ROBO3: variants seen among roughly 807,000 people sequenced by gnomAD.
The protein encoded by ROBO3 is roundabout homolog 3.
A neutral mutation model predicts 160.5 loss-of-function variants in ROBO3; 97 were observed. The observed-to-expected ratio is 0.60, with a 90% CI of 0.51 to 0.72. The LOEUF (loss-of-function observed/expected upper bound fraction) is 0.72, where lower values mean the gene tolerates loss of function less well. Among genes scored for constraint, ROBO3 ranks in the 30% least tolerant of loss-of-function variants. The pLI is 0.00. For missense variants in ROBO3, 1,858 were observed against 1,846.5 expected, an observed-to-expected ratio of 1.01 and a Z score of -0.11; for synonymous variants, 780 against 746.2, an observed-to-expected ratio of 1.05 and a Z score of -0.74.
Position 124,872,531 on chromosome 11 carries a change from G to A in ROBO3, c.1309G>A (p.Ala437Thr). The A allele has an allele frequency of 1.2e-6, 2 of 1,613,678 alleles. No homozygotes were observed. The highest frequency in any genetic ancestry group is 8.5e-7 in the Non-Finnish European group (1 of 1,179,626). Reference sequence around the variant, plus strand: ...TGTGGCTGGCAGCATCCTGGCCAAGGCCCTGCTGGAGATAAAAGGAGGTAC... The same window carrying A: ...TGTGGCTGGCAGCATCCTGGCCAAGACCCTGCTGGAGATAAAAGGAGGTAC... ...VSVAGSILAK[A>T]LLEIKGASLD... The change falls in exon 8 of 28, where the codon GCC becomes ACC. Residue 437 changes from alanine to threonine, a missense_variant. Physicochemically the swap from Ala to Thr is moderately conservative, Grantham distance 58. Coordinates refer to ENST00000397801, the MANE Select transcript of ROBO3 (RefSeq NM_022370.4). This position sits in a 1 kb window ranked among gnomAD's most constrained non-coding sequence, Gnocchi z 4.3.
Position 124,880,488 on chromosome 11 carries a change from G to T in ROBO3, c.4029G>T (p.Thr1343=). 1 of 1,604,838 alleles carries T rather than the reference G, an allele frequency of 6.2e-7. No homozygotes were observed. Among genetic ancestry groups the T allele is most frequent in the Non-Finnish European group, 8.5e-7 (1 of 1,175,580 alleles). ...SRGQGTSTCS[T]AGSNSSRGSS... is the part of the protein sequence containing the mutation. ...GCCAGGGCACCAGCACATGTTCCACGGCCGGCAGCAACTCTTCCAGGGGCT... is the reference window on the plus strand; with the variant it reads ...GCCAGGGCACCAGCACATGTTCCACTGCCGGCAGCAACTCTTCCAGGGGCT... Residue 1343 remains threonine, a synonymous_variant, in exon 27 of 28, where the codon ACG becomes ACT. Coordinates refer to ENST00000397801, the MANE Select transcript of ROBO3 (RefSeq NM_022370.4).
chr11:124,870,883 G>C, intron 6 of ROBO3, 131 bp from the exon 7 acceptor site: 1 of 1,517,558 alleles, frequency 6.6e-7, no homozygotes, highest in Admixed American at 1.8e-5. Flanking sequence ...ACACTAAACA[G>C]GCCGGGAGGA....
rs1215273656 is a variant in ROBO3 at position 124,873,314 on chromosome 11, T to C, written c.1541T>C (p.Met514Thr). Residue 514 changes from methionine (M) to threonine (T), a missense_variant, in exon 10 of 28, where the codon ATG (methionine) becomes ACG (threonine). Physicochemically the swap from Met to Thr is moderately conservative, Grantham distance 81 (BLOSUM62 -1). Coordinates refer to ENST00000397801, the MANE Select transcript of ROBO3 (RefSeq NM_022370.4). The surrounding 1 kb of genome is among the most constrained non-coding windows in gnomAD (Gnocchi z 4.5). ...GTLYIANVQE[M>T]DMGFYSCVAK... ...GTGCTCTGCCCTCTCTTCCAGGAGA[T>C]GGACATGGGCTTCTACAGCTGCGTG... The C allele has an allele frequency of 2.5e-6, 4 of 1,608,724 alleles. No individual in the cohort carries two copies. Among genetic ancestry groups the C allele is most frequent in the Non-Finnish European group, 3.4e-6 (4 of 1,177,786 alleles).
Position 124,872,984 on chromosome 11 carries a change from C to T in ROBO3, c.1431C>T (p.Asn477=), listed in dbSNP as rs754956365. ...SVWLPCRVTG[N]PQPSVRWKKD... is the part of the protein sequence containing the mutation. ...GGCTGCCCTGCAGAGTGACTGGGAACCCTCAACCCAGTGTCCGATGGAAGA... is the reference window on the plus strand; with the variant it reads ...GGCTGCCCTGCAGAGTGACTGGGAATCCTCAACCCAGTGTCCGATGGAAGA... The change falls in exon 9 of 28, where the codon AAC becomes AAT. Residue 477 remains asparagine (N), a synonymous_variant. Transcript: ENST00000397801. The surrounding 1 kb of genome is among the most constrained non-coding windows in gnomAD (Gnocchi z 4.3). 5.6e-6 allele frequency: 9 copies of T among 1,613,672 alleles called. No individual in the cohort carries two copies. Among genetic ancestry groups the T allele is most frequent in the Non-Finnish European group, 7.6e-6 (9 of 1,179,820 alleles).
Position 124,878,253 on chromosome 11 carries a change from T to C in ROBO3, c.3182-45T>C. ...CCTTCTGACCTGTCTCATCTCTGGC[T>C]CTTTCCTGCCTGTTCTCCGGGTGTC... On this transcript the variant is annotated intron_variant, in intron 21 of 27. Coordinates refer to ENST00000397801, the MANE Select transcript of ROBO3 (RefSeq NM_022370.4). The surrounding 1 kb of genome is among the most constrained non-coding windows in gnomAD (Gnocchi z 4.3). 6.2e-7 allele frequency: 1 copy of C among 1,605,534 alleles called. No individual in the cohort carries two copies. The highest frequency in any genetic ancestry group is 8.5e-7 in the Non-Finnish European group (1 of 1,175,592).
Position 124,873,207 on chromosome 11 carries a change from C to A in ROBO3, c.1537-103C>A, listed in dbSNP as rs1946302830. 1 of 1,380,780 alleles carries A rather than the reference C, an allele frequency of 7.2e-7. No homozygotes were observed. The highest frequency in any genetic ancestry group is 1.4e-5 in the African/African-American group (1 of 70,126). The allele number at this position is 1,380,780 out of a possible 1,614,324, so 85.5% of individuals were successfully genotyped here. A position where few individuals can be genotyped will look rare whatever the true frequency, so the allele number is the denominator to read the frequency against. On this transcript the variant is annotated intron_variant, in intron 9 of 27. Coordinates refer to ENST00000397801, the MANE Select transcript of ROBO3 (RefSeq NM_022370.4). The surrounding 1 kb of genome is among the most constrained non-coding windows in gnomAD (Gnocchi z 4.5). ...TCTTTACCCCTCTGTTCTCTCAGAG[C>A]ACCTAGTATCCAACATCTTCCCATC...
chr11:124,869,537 G>A lies in ROBO3; in HGVS notation c.575G>A (p.Gly192Asp), dbSNP rs865907752. ...PAVLECVPPR[G>D]HPEPSVSWRK... ...GTACTGGAATGCGTGCCCCCCCGCG[G>A]CCACCCGGAGCCTTCCGTGTCCTGG... The change falls in exon 3 of 28, where the codon GGC becomes GAC. Residue 192 changes from glycine (G) to aspartate (D), a missense_variant. By Grantham distance (94) the Gly-to-Asp change is moderately conservative. Coordinates refer to ENST00000397801, the MANE Select transcript of ROBO3 (RefSeq NM_022370.4). This position sits in a 1 kb window ranked among gnomAD's most constrained non-coding sequence, Gnocchi z 4.2. The A allele has an allele frequency of 6.4e-7, 1 of 1,555,122 alleles. No individual in the cohort carries two copies. Among genetic ancestry groups the A allele is most frequent in the South Asian group, 1.2e-5 (1 of 84,474 alleles).
intron 1 of ROBO3, 34 bp from the exon 2 acceptor site, chr11:124,868,766 CCT>C (rs1394677979): frequency 6.4e-7 from 1 of 1,565,526 alleles, no homozygotes. Flanking sequence ...CCACAATTTC[CCT>C]GTCTGAACGC....
chr11:124,876,290 T>C lies in ROBO3; in HGVS notation c.2609T>C (p.Leu870Pro). 1 of 1,462,524 alleles carries C rather than the reference T, an allele frequency of 6.8e-7. No homozygotes were observed. 90.6% of individuals were successfully genotyped at this position (1,462,524 alleles called of 1,614,324 possible). A position where few individuals can be genotyped will look rare whatever the true frequency, so the allele number is the denominator to read the frequency against. Reference protein sequence around the residue: ...VLVQLPSPPDLEPGLEVGAGL... With the variant: ...VLVQLPSPPDPEPGLEVGAGL... ...ACCCCCACAGCGTCCCCGCCGGACC[T>C]GGAGCCCGGGCTGGAGGTGGGCGCG... The change falls in exon 17 of 28, where the codon CTG becomes CCG. Residue 870 changes from leucine (L) to proline (P), a missense_variant. Physicochemically the swap from Leu to Pro is moderately conservative, Grantham distance 98 (BLOSUM62 -3). Transcript: ENST00000397801. The surrounding 1 kb of genome is among the most constrained non-coding windows in gnomAD (Gnocchi z 5.3).
chr11:124,866,520 G>A (rs1469843598), intron 1 of ROBO3, among the ~76,000 whole-genome samples: 1 of 152,214 alleles, frequency 6.6e-6, no homozygotes, highest in Non-Finnish European at 1.5e-5. Context: ...TTCCCTCCAG[G>A]TGCACGCGGT....
In ROBO3 at chr11:124,873,955, A is replaced by G. The variant is rs1946313411; in HGVS notation, c.1784+93A>G. 1.3e-6 allele frequency: 2 copies of G among 1,582,470 alleles called. No individual in the cohort carries two copies. The highest frequency in any genetic ancestry group is 1.7e-5 in the Admixed American group (1 of 59,672). On this transcript the variant is annotated intron_variant, in intron 11 of 27. Coordinates refer to ENST00000397801, the MANE Select transcript of ROBO3 (RefSeq NM_022370.4). This position sits in a 1 kb window ranked among gnomAD's most constrained non-coding sequence, Gnocchi z 4.5. The stretch of plus-strand genomic sequence containing the variant: ...TTGCTATTGTGAGGTGGGATTCTCC[A>G]GTACCCTCTTGCAAGGGGAAGACAT...
chr11:124,880,694 A>G (rs2135351826), intron 27 of ROBO3, 86 bp downstream of exon 27: 1 of 1,443,958 alleles, frequency 6.9e-7, no homozygotes, highest in Non-Finnish European at 9.1e-7. Context: ...AAGGTGGGCA[A>G]GGGCTTGTGG....
At position 124,874,223 on chromosome 11, in the gene ROBO3, T is replaced by A. The variant is rs1209130090; in HGVS notation, c.1938T>A (p.Pro646=). ...GTGAGCCCAGCCCCGTCTCTGAGCCTGTCCGTACACAGGGTAAGGTCAGAG... is the reference window on the plus strand; with the variant it reads ...GTGAGCCCAGCCCCGTCTCTGAGCCAGTCCGTACACAGGGTAAGGTCAGAG... ...GLSEPSPVSE[P]VRTQDSSPSR... The change falls in exon 12 of 28, where the codon CCT becomes CCA. Residue 646 remains proline, a synonymous_variant. Coordinates refer to ENST00000397801, the MANE Select transcript of ROBO3 (RefSeq NM_022370.4). The A allele has an allele frequency of 6.2e-7, 1 of 1,613,710 alleles. No homozygotes were observed. Among genetic ancestry groups the A allele is most frequent in the African/African-American group, 1.3e-5 (1 of 75,032 alleles).
At chr11:124,870,105 A>G (rs1946260597) in intron 4 of ROBO3, 37 bp downstream of exon 4, 2 of 1,613,890 alleles carry the variant, frequency 1.2e-6, no homozygotes, top group Non-Finnish European at 1.7e-6. Flanking sequence ...GGGAACAGGT[A>G]GCCTGCAGAG....
In ROBO3 at chr11:124,869,036, G is replaced by A. The variant is rs1233595261; in HGVS notation, c.395G>A (p.Arg132His). The change falls in exon 2 of 28, where the codon CGC becomes CAC. Residue 132 changes from arginine to histidine, a missense_variant. By Grantham distance (29) the Arg-to-His change is conservative. Coordinates refer to ENST00000397801, the MANE Select transcript of ROBO3 (RefSeq NM_022370.4). The surrounding 1 kb of genome is among the most constrained non-coding windows in gnomAD (Gnocchi z 4.2). ...ALFFPRIVHG[R>H]RARPDEGVYT... ...TTCTTCCCGCGCATCGTGCACGGGC[G>A]CCGCGCGCGGCCGGACGAAGGTGTC... 7 of 1,601,552 alleles carry A rather than the reference G, an allele frequency of 4.4e-6. No individual in the cohort carries two copies.
At chr11:124,877,742 G>T (rs1946429135) in intron 20 of ROBO3, 84 bp downstream of exon 20, 1 of 1,534,042 alleles carries the variant, frequency 6.5e-7, no homozygotes, top group African/African-American at 1.4e-5. Context: ...CGGGAGCCCG[G>T]TCTCTCTGAG....
chr11:124,871,115 T>A lies in ROBO3; in HGVS notation c.1135T>A (p.Phe379Ile). The A allele has an allele frequency of 2.5e-6, 4 of 1,613,462 alleles. No individual in the cohort carries two copies. Among genetic ancestry groups the A allele is most frequent in the Non-Finnish European group, 3.4e-6 (4 of 1,179,546 alleles). ...ETKGNPPPAI[F>I]WQKEGSQVLL... The stretch of plus-strand genomic sequence containing the variant: ...CAAAGGAAACCCCCCACCTGCCATC[T>A]TCTGGCAGAAGGAGGGGAGTCAGGT... The change falls in exon 7 of 28, where the codon TTC becomes ATC. Residue 379 changes from phenylalanine (F) to isoleucine (I), a missense_variant. Coordinates refer to ENST00000397801, the MANE Select transcript of ROBO3 (RefSeq NM_022370.4).
chr11:124,872,480 G>C lies in ROBO3; in HGVS notation c.1258G>C (p.Gly420Arg), dbSNP rs967139329. 1 of 1,613,972 alleles carries C rather than the reference G, an allele frequency of 6.2e-7. No individual in the cohort carries two copies. Among genetic ancestry groups the C allele is most frequent in the African/African-American group, 1.3e-5 (1 of 75,042 alleles). Residue 420 changes from glycine to arginine, a missense_variant, in exon 8 of 28, where the codon GGG becomes CGG. Transcript: ENST00000397801. The surrounding 1 kb of genome is among the most constrained non-coding windows in gnomAD (Gnocchi z 4.3). The part of the protein sequence containing the change: ...NITAVQRGDA[G>R]YYVCQAVSVA... Reference sequence around the variant, plus strand: ...CACCGCGGTGCAGCGTGGGGATGCTGGGTACTACGTGTGCCAGGCTGTCAG... The same window carrying C: ...CACCGCGGTGCAGCGTGGGGATGCTCGGTACTACGTGTGCCAGGCTGTCAG...
Position 124,869,018 on chromosome 11 carries a change from C to A in ROBO3, c.377C>A (p.Pro126Gln), listed in dbSNP as rs766666365. ...LLLPSGALFF[P>Q]RIVHGRRARP... ...CTGCCCAGCGGCGCCCTCTTCTTCC[C>A]GCGCATCGTGCACGGGCGCCGCGCG... The change falls in exon 2 of 28, where the codon CCG (proline) becomes CAG (glutamine). Residue 126 changes from proline (P) to glutamine (Q), a missense_variant. By Grantham distance (76) the Pro-to-Gln change is moderately conservative. Coordinates refer to ENST00000397801, the MANE Select transcript of ROBO3 (RefSeq NM_022370.4). This position sits in a 1 kb window ranked among gnomAD's most constrained non-coding sequence, Gnocchi z 4.2. 45 of 1,601,286 alleles carry A rather than the reference C, an allele frequency of 2.8e-5. No homozygotes were observed. The Middle Eastern group carries it at 6.6e-4, about 23-fold the overall frequency.
Sources: gnomAD v4.1 joint callset for allele counts (sites outside exome capture counted in the v4.1 genomes callset) on GRCh38, gnomAD v4.1.1 for gene constraint, Gnocchi (gnomAD v3.1) non-coding constraint, MANE v1.5 for transcripts, NCBI Gene and HGNC (gene_info 2026-07-23, HGNC 2026-07-21) for gene names.